Variants in NYNRIN observed in about 807,000 individuals in gnomAD.
The protein encoded by NYNRIN is NYN domain and retroviral integrase containing, also known as protein NYNRIN.
Under a neutral mutation model 146.6 loss-of-function variants are expected in NYNRIN, and 86 were observed. The observed-to-expected ratio is 0.59, with a 90% CI of 0.49 to 0.70. The LOEUF (loss-of-function observed/expected upper bound fraction) is 0.70. Ranked by LOEUF, NYNRIN falls within the 30% of genes least tolerant of loss-of-function variation. The pLI, the probability that NYNRIN is intolerant of heterozygous loss-of-function variation, is 0.00. For synonymous variants in NYNRIN, 1,027 were observed against 1,001.3 expected, an observed-to-expected ratio of 1.03 and a Z score of -0.48; for missense variants, 2,191 against 2,377.7, an observed-to-expected ratio of 0.92 and a Z score of 1.63.
intron 2 of NYNRIN, among the ~76,000 whole-genome samples, chr14:24,407,099 G>C (rs1594738821): frequency 6.6e-6 from 1 of 152,212 alleles, no homozygotes; most frequent in Non-Finnish European, 1.5e-5. Flanking sequence ...AGGCATTCTG[G>C]AGGGGGATGA....
Position 24,411,350 on chromosome 14 carries a change from C to T in NYNRIN, c.2546-4C>T. On this transcript the variant is annotated splice_region_variant and splice_polypyrimidine_tract_variant and intron_variant, in intron 5 of 8. Coordinates refer to ENST00000382554, the MANE Select transcript of NYNRIN (RefSeq NM_025081.3). This position sits in a 1 kb window ranked among gnomAD's most constrained non-coding sequence, Gnocchi z 4.3. ...CATTTCTGTCTTCTGCCTTTCACCC[C>T]CAGAGAGCCACTTTCTGACGAAGCT... 1.2e-6 allele frequency: 2 copies of T among 1,613,964 alleles called. No individual in the cohort carries two copies. The highest frequency in any genetic ancestry group is 1.7e-6 in the Non-Finnish European group (2 of 1,179,852).
Position 24,415,760 on chromosome 14 carries a change from C to T in NYNRIN, c.4011C>T (p.Pro1337=), listed in dbSNP as rs1189585812. 3 of 1,613,988 alleles carry T rather than the reference C, an allele frequency of 1.9e-6. No homozygotes were observed. Among genetic ancestry groups the T allele is most frequent in the Middle Eastern group, 3.3e-4 (2 of 6,062 alleles). Residue 1337 remains proline, a synonymous_variant, in exon 9 of 9, where the codon CCC becomes CCT. Transcript: ENST00000382554. ...TCTATGTTCTATCGCCCACCAGCCC[C>T]CCTGTCTCCCTTTCCTTCTCCTGCT... The part of the protein sequence containing the change: ...FGLYVLSPTS[P]PVSLSFSCSP...
At position 24,415,063 on chromosome 14, in the gene NYNRIN, G is replaced by A. The variant is rs926094830; in HGVS notation, c.3314G>A (p.Arg1105Lys). 1.1e-5 allele frequency: 17 copies of A among 1,612,678 alleles called. No individual in the cohort carries two copies. The highest frequency in any genetic ancestry group is 3.3e-5 in the Admixed American group (2 of 59,980). The change falls in exon 9 of 9, where the codon AGG (arginine) becomes AAG (lysine). Residue 1105 changes from arginine (R) to lysine (K), a missense_variant. Arg to Lys is a conservative substitution (Grantham distance 26). Transcript: ENST00000382554. ...TTCATGGGCTTCATGGACTCCCACA[G>A]GGATGCCATCCCTGACTATGAAGCC... ...SFFMGFMDSHRDAIPDYEALV... is the reference protein window; with the variant it reads ...SFFMGFMDSHKDAIPDYEALV...
In NYNRIN at chr14:24,413,174, G is replaced by A. The variant is rs2042923005; in HGVS notation, c.2744+76G>A. ...CAGCCCCTGGCATGGGAGGGATTAG[G>A]GCTGGAAGAGAGGCCTTGGAGTAGT... On this transcript the variant is annotated intron_variant, in intron 7 of 8. Transcript: ENST00000382554. 13 of 1,350,456 alleles carry A rather than the reference G, an allele frequency of 9.6e-6. 1 individual carries two copies. In the South Asian group the frequency reaches 1.6e-4, roughly 17 times the overall value. The allele number at this position is 1,350,456 out of a possible 1,614,324, so 83.7% of individuals were successfully genotyped here.
chr14:24,405,582 T>C (rs1391068812), intron 2 of NYNRIN, among the ~76,000 whole-genome samples: 1 of 152,166 alleles, frequency 6.6e-6, no homozygotes, highest in Non-Finnish European at 1.5e-5. Context: ...TAAATGCCTG[T>C]TGTTTCCTTA....
At chr14:24,405,067 AATGTGTGTGTGTGTGTGT>A (rs2042869236) in intron 2 of NYNRIN, among the ~76,000 whole-genome samples, 1 of 126,446 alleles carries the variant, frequency 7.9e-6, no homozygotes, top group African/African-American at 3.2e-5. Context: ...AATGTGTGTG[AATGTGTGTGTGTGTGTGT>A]ATGTGTGTTG....
intron 1 of NYNRIN, 35 bp from the exon 2 acceptor site, chr14:24,399,195 A>T: frequency 1.3e-6 from 2 of 1,568,016 alleles, no homozygotes; most frequent in South Asian, 2.3e-5. Context: ...TGCCGCCCCG[A>T]GACCCGGGTG....
At position 24,415,808 on chromosome 14, in the gene NYNRIN, C is replaced by G. The variant is rs768887920; in HGVS notation, c.4059C>G (p.Ala1353=). The change falls in exon 9 of 9, where the codon GCC becomes GCG. Residue 1353 remains alanine, a synonymous_variant. Transcript: ENST00000382554. ...GCTCCCCTTACACGCCAACCTATGC[C>G]CACCTGGCAGCCGTGGCCTGCGGCC... ...FSCSPYTPTY[A]HLAAVACGLE... is the part of the protein sequence containing the mutation. 4.9e-5 allele frequency: 79 copies of G among 1,613,880 alleles called. No homozygotes were observed. The highest frequency in any genetic ancestry group is 6.2e-5 in the Non-Finnish European group (73 of 1,179,906).
intron 2 of NYNRIN, among the ~76,000 whole-genome samples, chr14:24,399,799 G>A (rs1196829321): frequency 6.6e-6 from 1 of 152,150 alleles, no homozygotes; most frequent in East Asian, 1.9e-4. Context: ...GCAACTCAAG[G>A]CGCTGTATTT....
Position 24,410,002 on chromosome 14 carries a change from G to T in NYNRIN, c.2208G>T (p.Lys736Asn), listed in dbSNP as rs1228398813. 1 of 1,613,756 alleles carries T rather than the reference G, an allele frequency of 6.2e-7. No individual in the cohort carries two copies. Among genetic ancestry groups the T allele is most frequent in the African/African-American group, 1.3e-5 (1 of 74,958 alleles). ...QSSGTLALSSKHQFQMEGLLG... is the reference protein window; with the variant it reads ...QSSGTLALSSNHQFQMEGLLG... ...GTGGCACCTTGGCCCTCAGCAGTAA[G>T]CACCAGTTTCAGATGGAGGGGCTCC... is the stretch of plus-strand genomic sequence containing the variant. Residue 736 changes from lysine (K) to asparagine (N), a missense_variant, in exon 4 of 9, where the codon AAG (lysine) becomes AAT (asparagine). Coordinates refer to ENST00000382554, the MANE Select transcript of NYNRIN (RefSeq NM_025081.3).
chr14:24,416,709 T>C lies in NYNRIN; in HGVS notation c.4960T>C (p.Tyr1654His), dbSNP rs766210479. Residue 1654 changes from tyrosine (Y) to histidine (H), a missense_variant, in exon 9 of 9, where the codon TAC becomes CAC. Physicochemically the swap from Tyr to His is moderately conservative, Grantham distance 83 (BLOSUM62 2). Transcript: ENST00000382554. Reference protein sequence around the residue: ...RWVEAFPLKPYTHTAVAQVLL... With the variant: ...RWVEAFPLKPHTHTAVAQVLL... ...GGTGGAGGCATTCCCCCTGAAGCCC[T>C]ACACACACACGGCTGTGGCCCAGGT... The C allele has an allele frequency of 6.2e-7, 1 of 1,613,820 alleles. No individual in the cohort carries two copies. The highest frequency in any genetic ancestry group is 1.3e-5 in the African/African-American group (1 of 74,934).
Position 24,415,606 on chromosome 14 carries a change from C to T in NYNRIN, c.3857C>T (p.Thr1286Ile), listed in dbSNP as rs750357738. The change falls in exon 9 of 9, where the codon ACC becomes ATC. Residue 1286 changes from threonine to isoleucine, a missense_variant. Thr to Ile is a moderately conservative substitution (Grantham distance 89). Around this residue, in one of 3 missense-constraint regions of NYNRIN, gnomAD observed 1,291 missense variants for 1,417.0 expected, o/e 0.91. Coordinates refer to ENST00000382554, the MANE Select transcript of NYNRIN (RefSeq NM_025081.3). ...QGLLGENRLL[T>I]PAASMPRFFQ... is the part of the protein sequence containing the mutation. ...CTGCTGGGGGAGAACCGCCTGCTCACCCCCGCGGCCTCCATGCCTCGCTTC... is the reference window on the plus strand; with the variant it reads ...CTGCTGGGGGAGAACCGCCTGCTCATCCCCGCGGCCTCCATGCCTCGCTTC... The T allele has an allele frequency of 1.9e-6, 3 of 1,613,970 alleles. No individual in the cohort carries two copies. The highest frequency in any genetic ancestry group is 2.2e-5 in the South Asian group (2 of 91,090).
rs1566487328 is a variant in NYNRIN, at chr14:24,414,932, T to TTC, written c.3186_3187dup (p.Pro1063LeufsTer53). 6.2e-7 allele frequency: 1 copy of TTC among 1,600,232 alleles called. No individual in the cohort carries two copies. Among genetic ancestry groups the TTC allele is most frequent in the Non-Finnish European group, 8.5e-7 (1 of 1,169,726 alleles). On this transcript the variant is annotated frameshift_variant, in exon 9 of 9. Transcript: ENST00000382554. LOFTEE classifies it high-confidence loss of function. The stretch of plus-strand genomic sequence containing the variant: ...ACATCGACCTCCTGCCAGGGGCAGC[T>TTC]TCTCCCTACCTGGGCATCCCCTGGG...
chr14:24,418,311 A>G lies in NYNRIN; in HGVS notation c.*865A>G. 1 of 456,124 alleles carries G rather than the reference A, an allele frequency of 2.2e-6. No homozygotes were observed. Among genetic ancestry groups the G allele is most frequent in the South Asian group, 1.6e-5 (1 of 64,478 alleles). 28.3% of individuals were successfully genotyped at this position (456,124 alleles called of 1,614,324 possible). On this transcript the variant is annotated 3_prime_UTR_variant, in exon 9 of 9. Coordinates refer to ENST00000382554, the MANE Select transcript of NYNRIN (RefSeq NM_025081.3). ...GCCCCGGCCTCTGTTTTAAGGGGGC[A>G]GGGCGTCTGCAACAGGAGTGGCACA...
At position 24,409,861 on chromosome 14, in the gene NYNRIN, T is replaced by C. The variant is rs780043735; in HGVS notation, c.2067T>C (p.Asp689=). ...KTPAAQKVPT[D]AGPTLDVARL... ...CTGCAGCTCAGAAGGTGCCCACGGA[T>C]GCAGGGCCAACCTTGGATGTAGCCA... Residue 689 remains aspartate (D), a synonymous_variant, in exon 4 of 9, where the codon GAT becomes GAC. Transcript: ENST00000382554. 23 of 1,613,498 alleles carry C rather than the reference T, an allele frequency of 1.4e-5. 1 individual carries two copies. In the South Asian group the frequency reaches 2.4e-4, roughly 17 times the overall value.
intron 2 of NYNRIN, among the ~76,000 whole-genome samples, chr14:24,402,888 C>A (rs1566482743): frequency 6.6e-6 from 1 of 152,188 alleles, no homozygotes; most frequent in South Asian, 2.1e-4. Context: ...GTTCCCTGCC[C>A]CGGCCCTCCC....
At position 24,408,800 on chromosome 14, in the gene NYNRIN, C is replaced by A. The variant is rs1372025774; in HGVS notation, c.1006C>A (p.Pro336Thr). The A allele has an allele frequency of 3.1e-6, 5 of 1,613,948 alleles. No individual in the cohort carries two copies. In the African/African-American group the frequency reaches 4.0e-5, roughly 13 times the overall value. The change falls in exon 4 of 9, where the codon CCT (proline) becomes ACT (threonine). Residue 336 changes from proline (P) to threonine (T), a missense_variant. Physicochemically the swap from Pro to Thr is conservative, Grantham distance 38. Coordinates refer to ENST00000382554, the MANE Select transcript of NYNRIN (RefSeq NM_025081.3). ...QKIEDKLLFQ[P>T]PVSALGVCPP... ...GATAGAAGATAAACTCCTCTTCCAACCTCCAGTATCAGCCCTGGGTGTGTG... is the reference window on the plus strand; with the variant it reads ...GATAGAAGATAAACTCCTCTTCCAAACTCCAGTATCAGCCCTGGGTGTGTG...
At chr14:24,402,020 G>A (rs770436276) in intron 2 of NYNRIN, among the ~76,000 whole-genome samples, 1 of 152,190 alleles carries the variant, frequency 6.6e-6, no homozygotes, top group Non-Finnish European at 1.5e-5. Context: ...GAGACTACAG[G>A]TTGCAGGACT....
rs765204240 is a variant in NYNRIN, at chr14:24,416,607, G to C, written c.4858G>C (p.Glu1620Gln). The stretch of plus-strand genomic sequence containing the variant: ...CGCCCCCTGGTCGAACCTGCAGATC[G>C]AGGTGGTGGGCCCGGTCACCATAAG... Reference protein sequence around the residue: ...STAPWSNLQIEVVGPVTISEE... With the variant: ...STAPWSNLQIQVVGPVTISEE... Residue 1620 changes from glutamate (E) to glutamine (Q), a missense_variant, in exon 9 of 9, where the codon GAG (glutamate) becomes CAG (glutamine). By Grantham distance (29) the Glu-to-Gln change is conservative. Transcript: ENST00000382554. 2 of 1,613,810 alleles carry C rather than the reference G, an allele frequency of 1.2e-6. No individual in the cohort carries two copies.
Sources: gnomAD v4.1 joint callset for allele counts (sites outside exome capture counted in the v4.1 genomes callset) on GRCh38, gnomAD v4.1.1 for gene constraint, gnomAD v4.1.1 regional missense constraint, Gnocchi (gnomAD v3.1) non-coding constraint, MANE v1.5 for transcripts, NCBI Gene and HGNC (gene_info 2026-07-23, HGNC 2026-07-21) for gene names.